Variants in PCDH15 observed in about 807,000 individuals in gnomAD.
PCDH15 encodes the protein protocadherin related 15.
Under a neutral mutation model 178.5 loss-of-function variants are expected in PCDH15, and 129 were observed. The observed-to-expected ratio is 0.72, with a 90% confidence interval of 0.63 to 0.84. PCDH15 has a LOEUF of 0.84. Among genes scored for constraint, PCDH15 ranks in the 40% least tolerant of loss-of-function variants. The probability of loss-of-function intolerance (pLI) is 0.00; values close to 1 mark genes in which losing one functional copy is unlikely to be tolerated. For missense variants in PCDH15, 2,230 were observed against 2,099.9 expected (o/e 1.06, Z -1.21); for synonymous variants, 800 against 732.0 (o/e 1.09, Z -1.50).
chr10:55,522,251 G>A (rs1188875956), intron 2 of PCDH15, among the ~76,000 whole-genome samples: 1 of 151,860 alleles, frequency 6.6e-6, no homozygotes, highest in South Asian at 2.1e-4. Context: ...TAACAGATGG[G>A]ATATCTCACT....
chr10:55,291,018 A>G (rs1423092311), intron 1 of PCDH15, among the ~76,000 whole-genome samples: 1 of 152,140 alleles, frequency 6.6e-6, no homozygotes, highest in Non-Finnish European at 1.5e-5. Flanking sequence ...AGATTTCATA[A>G]ATTTCAAGGA....
intron 2 of PCDH15, among the ~76,000 whole-genome samples, chr10:55,498,270 T>C (rs1215053541): frequency 6.6e-6 from 1 of 151,896 alleles, no homozygotes; most frequent in African/African-American, 2.4e-5. Flanking sequence ...GGGTATTTGA[T>C]TCTGCATGAT....
intron 3 of PCDH15, among the ~76,000 whole-genome samples, chr10:54,887,771 G>C (rs1323631988): frequency 1.0e-4 from 3 of 29,048 alleles, no homozygotes; most frequent in Non-Finnish European, 8.8e-5. Context: ...TTCAGTCTTA[G>C]TCCTTCCTTC....
Position 55,620,068 on chromosome 10 carries a change from A to T in PCDH15, c.-156+7557T>A, listed in dbSNP as rs533952168. 7.1e-4 allele frequency among the ~76,000 whole-genome samples: 108 copies of T among 152,148 alleles called. 2 individuals are homozygous for T. In the South Asian group the frequency reaches 0.022, roughly 32 times the overall value. On this transcript the variant is annotated intron_variant, in intron 2 of 5. Coordinates refer to the PCDH15 transcript ENST00000613346. Reference sequence around the variant, plus strand: ...TGCCCTTGCCTAAGCATATGCCCCCAGTTAATAATACAGATTCACTGTACT... The same window carrying T: ...TGCCCTTGCCTAAGCATATGCCCCCTGTTAATAATACAGATTCACTGTACT...
At chr10:53,931,513 G>C (rs1302730521) in intron 25 of PCDH15, among the ~76,000 whole-genome samples, 3 of 152,116 alleles carry the variant, frequency 2.0e-5, no homozygotes, top group Non-Finnish European at 4.4e-5. Context: ...ACAAACTTCT[G>C]TCGTTGCGCA....
intron 21 of PCDH15, among the ~76,000 whole-genome samples, chr10:53,981,771 T>A (rs2090663242): frequency 6.6e-6 from 1 of 151,446 alleles, no homozygotes; most frequent in African/African-American, 2.4e-5. Flanking sequence ...AAGGACTTCA[T>A]GTCTAAAACA....
chr10:54,902,498 GC>G (rs1047880248), intron 2 of PCDH15, among the ~76,000 whole-genome samples: 2 of 152,104 alleles, frequency 1.3e-5, no homozygotes, highest in African/African-American at 2.4e-5. Context: ...AGAGATGCTT[GC>G]TTCCCCTTGC....
chr10:55,561,088 C>T lies in PCDH15; in HGVS notation c.-156+66537G>A, dbSNP rs1420305368. On this transcript the variant is annotated intron_variant, in intron 2 of 5. Transcript: ENST00000613346. Reference sequence around the variant, plus strand: ...AAGAGAATATATATTTTAAAAATAACTCAGGTGTTATCTAGGGAGTAACCT... The same window carrying T: ...AAGAGAATATATATTTTAAAAATAATTCAGGTGTTATCTAGGGAGTAACCT... Among the ~76,000 whole-genome samples the T allele has an allele frequency of 4.0e-5, 6 of 151,790 alleles. No homozygotes were observed. In the East Asian group the frequency reaches 9.7e-4, roughly 25 times the overall value.
chr10:55,158,062 A>ATGTGTGTGTG (rs372901080), intron 2 of PCDH15, among the ~76,000 whole-genome samples: 1,491 of 128,804 alleles, frequency 0.012, 12 homozygotes, highest in Middle Eastern at 0.042. Context: ...TCACACAAAT[A>ATGTGTGTGTG]TGTGTGTATG....
chr10:54,964,883 A>T (rs541222002), intron 2 of PCDH15, among the ~76,000 whole-genome samples: 6 of 152,192 alleles, frequency 3.9e-5, no homozygotes, highest in Non-Finnish European at 8.8e-5. Context: ...ATGATAATGT[A>T]TTCTCAGCAG....
At chr10:55,438,393 A>C (rs1352868263) in intron 2 of PCDH15, among the ~76,000 whole-genome samples, 2 of 152,306 alleles carry the variant, frequency 1.3e-5, no homozygotes, top group African/African-American at 4.8e-5. Flanking sequence ...GAAATAAGTT[A>C]AAGTAGAAAC....
At chr10:54,401,859 A>G (rs1249429628) in intron 3 of PCDH15, among the ~76,000 whole-genome samples, 1 of 151,898 alleles carries the variant, frequency 6.6e-6, no homozygotes, top group Non-Finnish European at 1.5e-5. Flanking sequence ...ACAAACTATT[A>G]CAAAAAATAA....
intron 15 of PCDH15, among the ~76,000 whole-genome samples, chr10:54,111,983 A>C (rs913171080): frequency 7.1e-4 from 102 of 144,332 alleles, no homozygotes; most frequent in South Asian, 3.5e-3. Context: ...AAAAAAAAAA[A>C]AAAACAAAAC....
intron 8 of PCDH15, among the ~76,000 whole-genome samples, chr10:54,256,861 A>T (rs942257160): frequency 6.6e-6 from 1 of 152,152 alleles, no homozygotes; most frequent in Non-Finnish European, 1.5e-5. Flanking sequence ...TCTTCTTAAT[A>T]GTATGTATCA....
chr10:55,161,423 T>C (rs540497766), intron 2 of PCDH15, among the ~76,000 whole-genome samples: 14 of 152,164 alleles, frequency 9.2e-5, no homozygotes, highest in African/African-American at 2.6e-4. Context: ...TCCAGCCCAG[T>C]GGGCTGATTT....
At chr10:55,261,330 G>T (rs151317905) in intron 1 of PCDH15, among the ~76,000 whole-genome samples, 12 of 152,230 alleles carry the variant, frequency 7.9e-5, no homozygotes, top group African/African-American at 2.9e-4. Flanking sequence ...CCCATTGATT[G>T]GTGAAATTTT....
chr10:55,500,075 TAGTC>T (rs761486399), intron 2 of PCDH15, among the ~76,000 whole-genome samples: 44 of 151,880 alleles, frequency 2.9e-4, no homozygotes, highest in Admixed American at 7.2e-4. Flanking sequence ...AATTTTATAA[TAGTC>T]AGAAAAGAAA....
chr10:55,296,247 C>G (rs923692341), intron 1 of PCDH15, among the ~76,000 whole-genome samples: 5 of 152,236 alleles, frequency 3.3e-5, no homozygotes, highest in Admixed American at 3.3e-4. Context: ...GAAGTTTTCA[C>G]CAAATAGGCA....
intron 2 of PCDH15, among the ~76,000 whole-genome samples, chr10:55,139,726 C>T (rs1838296578): frequency 6.6e-6 from 1 of 151,812 alleles, no homozygotes; most frequent in Non-Finnish European, 1.5e-5. Context: ...CAACTTCCTC[C>T]CTCTTTATTT....
Sources: gnomAD v4.1 joint callset for allele counts (sites outside exome capture counted in the v4.1 genomes callset) on GRCh38, gnomAD v4.1.1 for gene constraint, MANE v1.5 for transcripts, NCBI Gene and HGNC (gene_info 2026-07-23, HGNC 2026-07-21) for gene names.